MON2: variants seen among roughly 807,000 people sequenced by gnomAD.
MON2 encodes the protein protein MON2 homolog.
MON2 carries 84 observed loss-of-function variants against 208.6 expected under a neutral mutation model. The ratio of observed to expected loss-of-function variants is 0.40; its 90% CI spans 0.34 to 0.48. MON2 has a LOEUF of 0.48. Among genes scored for constraint, MON2 ranks in the 20% least tolerant of loss-of-function variants. MON2 has a pLI of 0.59. For synonymous variants in MON2, 660 were observed against 694.0 expected, an observed-to-expected ratio of 0.95 and a Z score of 0.77; for missense variants, 1,611 against 2,015.4, an observed-to-expected ratio of 0.80 and a Z score of 3.84.
chr12:62,571,764 T>G (rs924985764), intron 30 of MON2, among the ~76,000 whole-genome samples, 182 bp downstream of exon 30: 1 of 152,222 alleles, frequency 6.6e-6, no homozygotes, highest in African/African-American at 2.4e-5. Flanking sequence ...ACAATGGAGA[T>G]TTTTGCTTTT....
chr12:62,494,891 T>C, intron 3 of MON2, 125 bp from the exon 4 acceptor site: 1 of 572,776 alleles, frequency 1.7e-6, no homozygotes, highest in South Asian at 3.9e-5. Context: ...TCTAAAAATA[T>C]GGGTTTTGTT....
chr12:62,592,606 C>T lies in MON2; in HGVS notation c.5011C>T (p.Gln1671Ter). The T allele has an allele frequency of 1.3e-6, 2 of 1,599,956 alleles. No individual in the cohort carries two copies. The highest frequency in any genetic ancestry group is 1.7e-6 in the Non-Finnish European group (2 of 1,169,650). The change falls in exon 35 of 35, where the codon CAA (glutamine) becomes TAA (stop). Residue 1671 changes from glutamine to a stop codon, truncating the protein, a stop_gained. Coordinates refer to ENST00000393630, the MANE Select transcript of MON2 (RefSeq NM_015026.3). LOFTEE classifies it high-confidence loss of function. ...TACAGTTGATGGAAATACCTGGGCACAAGTAATTGCCTTATACCCAACTTT... is the reference window on the plus strand; with the variant it reads ...TACAGTTGATGGAAATACCTGGGCATAAGTAATTGCCTTATACCCAACTTT... ...PENVDGNTWA[Q>*]VIALYPTLVE...
rs371270214 is a variant in MON2, at chr12:62,475,903, C to T, written c.112-8267C>T. Among the ~76,000 whole-genome samples, 89 of 151,680 alleles carry T rather than the reference C, an allele frequency of 5.9e-4. 1 individual carries two copies. The highest frequency in any genetic ancestry group is 4.4e-3 in the East Asian group (22 of 5,042). On this transcript the variant is annotated intron_variant, in intron 1 of 34. Transcript: ENST00000393630. Reference sequence around the variant, plus strand: ...GCGGACGCCTGTAATCCCAGCTACTCGGGAGGCTGAGGCAGGAGAATCACT... The same window carrying T: ...GCGGACGCCTGTAATCCCAGCTACTTGGGAGGCTGAGGCAGGAGAATCACT...
At chr12:62,577,514 A>G (rs1056152027) in intron 30 of MON2, among the ~76,000 whole-genome samples, 1 of 152,094 alleles carries the variant, frequency 6.6e-6, no homozygotes, top group African/African-American at 2.4e-5. Flanking sequence ...TATTAAACCT[A>G]AATGTTCTAA....
chr12:62,493,797 T>A (rs933628317), intron 2 of MON2, 118 bp from the exon 3 acceptor site: 5 of 711,758 alleles, frequency 7.0e-6, no homozygotes, highest in Non-Finnish European at 1.1e-5. Context: ...TTTTGGTGTT[T>A]ATTTTACGTA....
At chr12:62,500,417 T>C (rs1276705575) in intron 5 of MON2, among the ~76,000 whole-genome samples, 3 of 152,136 alleles carry the variant, frequency 2.0e-5, no homozygotes, top group Non-Finnish European at 4.4e-5. Context: ...GAGTTAACCA[T>C]ATGGTAAACG....
intron 2 of MON2, among the ~76,000 whole-genome samples, chr12:62,491,130 T>G (rs899215521): frequency 1.3e-5 from 2 of 152,176 alleles, no homozygotes; most frequent in Non-Finnish European, 2.9e-5. Context: ...CCACATACAT[T>G]GAGTTGAATT....
At chr12:62,470,488 G>T (rs1033725220) in intron 1 of MON2, among the ~76,000 whole-genome samples, 3 of 151,870 alleles carry the variant, frequency 2.0e-5, no homozygotes, top group Non-Finnish European at 4.4e-5. Flanking sequence ...AAATCTTCAT[G>T]TTTTAGCAGT....
intron 24 of MON2, 106 bp downstream of exon 24, chr12:62,553,280 A>G (rs1592377544): frequency 4.7e-6 from 5 of 1,068,406 alleles, no homozygotes; most frequent in Non-Finnish European, 6.7e-6. Context: ...ATTTCCATGC[A>G]TTTGTGTATT....
At chr12:62,507,315 C>CTTT (rs112565800) in intron 7 of MON2, among the ~76,000 whole-genome samples, 1 of 142,784 alleles carries the variant, frequency 7.0e-6, no homozygotes, top group Non-Finnish European at 1.5e-5. Context: ...TTTTCTTTTT[C>CTTT]TTTTTTTTTT....
At chr12:62,508,057 C>T (rs1454569785) in intron 7 of MON2, among the ~76,000 whole-genome samples, 1 of 152,158 alleles carries the variant, frequency 6.6e-6, no homozygotes, top group Non-Finnish European at 1.5e-5. Context: ...AGGCATGAGC[C>T]ACTATGCTGG....
chr12:62,544,185 C>G (rs1190556977), intron 20 of MON2, among the ~76,000 whole-genome samples: 1 of 152,140 alleles, frequency 6.6e-6, no homozygotes, highest in Non-Finnish European at 1.5e-5. Context: ...TAGCTCACAC[C>G]TATAATCCCA....
At chr12:62,573,509 C>T (rs1163794830) in intron 30 of MON2, among the ~76,000 whole-genome samples, 5 of 150,608 alleles carry the variant, frequency 3.3e-5, no homozygotes, top group Admixed American at 6.6e-5. Flanking sequence ...GGAGGATTGC[C>T]GAGGCCCAGG....
chr12:62,563,688 C>G (rs2074274872), intron 26 of MON2, among the ~76,000 whole-genome samples: 1 of 152,010 alleles, frequency 6.6e-6, no homozygotes, highest in Non-Finnish European at 1.5e-5. Flanking sequence ...CCAAATTGCT[C>G]TATATATCAA....
In MON2 at chr12:62,598,415, A is replaced by G. The variant is rs552304942; in HGVS notation, c.*5666A>G. The G allele has an allele frequency of 6.6e-6, 1 of 152,264 alleles. No individual in the cohort carries two copies. The highest frequency in any genetic ancestry group is 2.4e-5 in the African/African-American group (1 of 41,566). 9.4% of individuals were successfully genotyped at this position (152,264 alleles called of 1,614,324 possible). Reference sequence around the variant, plus strand: ...AATATATTAACAACTGCTTCCTTCTATGATGTTTACTAGATGGAGAAAAAT... The same window carrying G: ...AATATATTAACAACTGCTTCCTTCTGTGATGTTTACTAGATGGAGAAAAAT... On this transcript the variant is annotated 3_prime_UTR_variant, in exon 35 of 35. Coordinates refer to ENST00000393630, the MANE Select transcript of MON2 (RefSeq NM_015026.3).
At chr12:62,588,942 T>C (rs758606013) in intron 34 of MON2, 2 of 1,364,732 alleles carry the variant, frequency 1.5e-6, no homozygotes, top group Middle Eastern at 1.8e-4. Context: ...TTTCATTGAA[T>C]GCAAAGCTTT....
At chr12:62,590,380 A>G (rs1012900410) in intron 34 of MON2, among the ~76,000 whole-genome samples, 2 of 152,014 alleles carry the variant, frequency 1.3e-5, no homozygotes, top group African/African-American at 4.8e-5. Context: ...GGCATGAACA[A>G]CCGCCCCCCA....
chr12:62,486,816 A>G (rs933035041), intron 2 of MON2, among the ~76,000 whole-genome samples: 1 of 152,144 alleles, frequency 6.6e-6, no homozygotes, highest in African/African-American at 2.4e-5. Flanking sequence ...CAAACAATTG[A>G]GGAGTCTCAA....
chr12:62,489,701 A>T (rs2070004229), intron 2 of MON2, among the ~76,000 whole-genome samples: 1 of 152,208 alleles, frequency 6.6e-6, no homozygotes, highest in Middle Eastern at 3.4e-3. Context: ...TTGAACCAAC[A>T]TCATTTGTTA....
Sources: allele counts gnomAD v4.1 joint callset (sites outside exome capture counted in the v4.1 genomes callset), GRCh38; gene constraint gnomAD v4.1.1; transcripts MANE v1.5; gene names NCBI Gene and HGNC (gene_info 2026-07-23, HGNC 2026-07-21).